Variants in HTR7 observed in about 807,000 individuals in gnomAD.
The protein encoded by HTR7 is 5-HT-7.
HTR7 carries 16 observed loss-of-function variants against 34.0 expected under a neutral mutation model. That is an observed-to-expected ratio of 0.47 (90% CI 0.32 to 0.71). The LOEUF (loss-of-function observed/expected upper bound fraction) is 0.71, where lower values mean the gene tolerates loss of function less well. Ranked by LOEUF, HTR7 falls within the 30% of genes least tolerant of loss-of-function variation. HTR7 has a pLI of 0.04. For synonymous variants in HTR7, 265 were observed against 260.2 expected, an observed-to-expected ratio of 1.02 and a Z score of -0.18; for missense variants, 504 against 625.5, an observed-to-expected ratio of 0.81 and a Z score of 2.07.
Position 90,749,231 on chromosome 10 carries a change from C to G in HTR7, c.903G>C (p.Glu301Asp). ...TGAGGAGTCTCGAAAGGTTTGCACA[C>G]TCTTCCACCTCCTTCTGGAGCTTCA... ...GIVKLQKEVE[E>D]CANLSRLLKH... Residue 301 changes from glutamate to aspartate, a missense_variant, in exon 2 of 4, where the codon GAG (glutamate) becomes GAC (aspartate). Transcript: ENST00000336152. This position sits in a 1 kb window ranked among gnomAD's most constrained non-coding sequence, Gnocchi z 4.2. The G allele has an allele frequency of 6.2e-7, 1 of 1,614,074 alleles. No individual in the cohort carries two copies. Among genetic ancestry groups the G allele is most frequent in the South Asian group, 1.1e-5 (1 of 91,062 alleles).
chr10:90,786,059 T>G (rs139591240), intron 1 of HTR7, among the ~76,000 whole-genome samples: 791 of 152,338 alleles, frequency 5.2e-3, no homozygotes, highest in Middle Eastern at 0.01. Context: ...TCCAAGCATT[T>G]CTTGGGATGG....
chr10:90,800,280 C>T (rs935274613), intron 1 of HTR7, among the ~76,000 whole-genome samples: 11 of 152,152 alleles, frequency 7.2e-5, no homozygotes, highest in African/African-American at 2.7e-4. Context: ...CAATTCTGCT[C>T]ATGGTAATCT....
chr10:90,781,989 G>C (rs78266606), intron 1 of HTR7, among the ~76,000 whole-genome samples: 2,599 of 152,256 alleles, frequency 0.017, 86 homozygotes, highest in African/African-American at 0.058. Flanking sequence ...TCTCTGCCTG[G>C]GTTGGATCAG....
At position 90,857,968 on chromosome 10, in the gene HTR7, C is replaced by T. The variant is rs1300807894; in HGVS notation, c.-297G>A. ...AGCTCGGGCTGGGCTCCGCTGGCAG[C>T]TCCACAGTTCGCAGCAGCAGCTCGG... On this transcript the variant is annotated 5_prime_UTR_variant, in exon 1 of 4. Transcript: ENST00000336152. This position sits in a 1 kb window ranked among gnomAD's most constrained non-coding sequence, Gnocchi z 6.5. Among the ~76,000 whole-genome samples the T allele has an allele frequency of 3.3e-5, 5 of 151,104 alleles. No homozygotes were observed. The highest frequency in any genetic ancestry group is 5.9e-5 in the Non-Finnish European group (4 of 67,674).
chr10:90,845,940 C>T (rs1436055705), intron 1 of HTR7, among the ~76,000 whole-genome samples: 2 of 152,152 alleles, frequency 1.3e-5, no homozygotes, highest in Non-Finnish European at 2.9e-5. Flanking sequence ...GGCTGACCAG[C>T]ACTTCAGACA....
In HTR7 at chr10:90,749,701, T is replaced by G; in HGVS notation, c.540-107A>C. 1 of 988,318 alleles carries G rather than the reference T, an allele frequency of 1.0e-6. No homozygotes were observed. The allele number at this position is 988,318 out of a possible 1,614,324, so 61.2% of individuals were successfully genotyped here. A position where few individuals can be genotyped will look rare whatever the true frequency, so the allele number is the denominator to read the frequency against. On this transcript the variant is annotated intron_variant, in intron 1 of 3. Transcript: ENST00000336152. The surrounding 1 kb of genome is among the most constrained non-coding windows in gnomAD (Gnocchi z 4.2). ...GCGCCAGTCCTCGCAACAGCCCTTC[T>G]AGGTAGGCATCATTACTCCCATTTT...
intron 1 of HTR7, among the ~76,000 whole-genome samples, chr10:90,853,271 G>C (rs183503805): frequency 1.5e-3 from 215 of 139,972 alleles, no homozygotes; most frequent in Admixed American, 5.6e-3. Context: ...AAAGTAATTT[G>C]ATTTCTTTTT....
At chr10:90,759,673 A>C (rs1257967432) in intron 1 of HTR7, among the ~76,000 whole-genome samples, 2 of 151,176 alleles carry the variant, frequency 1.3e-5, no homozygotes, top group African/African-American at 2.4e-5. Flanking sequence ...AAAAAAAAAA[A>C]AAAAAAAAAA....
chr10:90,749,281 T>C lies in HTR7; in HGVS notation c.853A>G (p.Ser285Gly), dbSNP rs527431716. The C allele has an allele frequency of 4.3e-6, 7 of 1,614,154 alleles. No homozygotes were observed. The East Asian group carries it at 6.7e-5, about 15-fold the overall frequency. The change falls in exon 2 of 4, where the codon AGC becomes GGC. Residue 285 changes from serine (S) to glycine (G), a missense_variant. Around this residue, in one of 4 missense-constraint regions of HTR7, gnomAD observed 57 missense variants for 47.5 expected, o/e 1.20. Coordinates refer to ENST00000336152, the MANE Select transcript of HTR7 (RefSeq NM_019859.4). This position sits in a 1 kb window ranked among gnomAD's most constrained non-coding sequence, Gnocchi z 4.2. ...FPGFPRVEPD[S>G]VIALNGIVKL... ...ACTATGCCATTCAGGGCGATGACGC[T>C]GTCTGGCTCCACTCGAGGGAAGCCA... is the stretch of plus-strand genomic sequence containing the variant.
chr10:90,849,934 G>C (rs1480084614), intron 1 of HTR7, among the ~76,000 whole-genome samples: 1 of 152,246 alleles, frequency 6.6e-6, no homozygotes, highest in Non-Finnish European at 1.5e-5. Context: ...GCACAGGGAG[G>C]CAAGCCAATA....
intron 1 of HTR7, among the ~76,000 whole-genome samples, chr10:90,775,328 G>C (rs1845189377): frequency 1.3e-5 from 2 of 152,162 alleles, no homozygotes; most frequent in South Asian, 4.1e-4. Context: ...CAATTACAGG[G>C]ATAGAGGGAG....
At chr10:90,821,569 C>T (rs529117713) in intron 1 of HTR7, among the ~76,000 whole-genome samples, 5 of 152,198 alleles carry the variant, frequency 3.3e-5, no homozygotes, top group Non-Finnish European at 7.4e-5. Flanking sequence ...GTCACAAGGA[C>T]TGCAACTCCA....
In HTR7 at chr10:90,742,491, A is replaced by T. The variant is rs768496494; in HGVS notation, c.1431T>A (p.Ile477=). ...CTCCATTGTTCTGCTTTCAATCATG[A>T]ATCATGACCTTTTTTTCTACAGTAG... ...MLTTVEKKVM[I]HD is the part of the protein sequence containing the mutation. The change falls in exon 4 of 4, where the codon ATT becomes ATA. Residue 477 remains isoleucine (I), a synonymous_variant. Transcript: ENST00000336152. 12 of 1,601,332 alleles carry T rather than the reference A, an allele frequency of 7.5e-6. No individual in the cohort carries two copies. In the South Asian group the frequency reaches 1.3e-4, roughly 18 times the overall value.
chr10:90,809,122 A>G lies in HTR7; in HGVS notation c.539+48011T>C, dbSNP rs926979813. Among the ~76,000 whole-genome samples, 39 of 151,862 alleles carry G rather than the reference A, an allele frequency of 2.6e-4. 1 individual carries two copies. The highest frequency in any genetic ancestry group is 1.5e-5 in the Non-Finnish European group (1 of 67,960). On this transcript the variant is annotated intron_variant, in intron 1 of 3. Coordinates refer to ENST00000336152, the MANE Select transcript of HTR7 (RefSeq NM_019859.4). ...GACCTCTCCCCTCCTCGCCAGGCCG[A>G]GCTAAGTCCCAATTCTTCCTCAGCC...
chr10:90,782,302 C>G (rs530209611), intron 1 of HTR7, among the ~76,000 whole-genome samples: 1 of 152,248 alleles, frequency 6.6e-6, no homozygotes, highest in East Asian at 1.9e-4. Flanking sequence ...CCATTGACCC[C>G]CGCTAAGGCT....
chr10:90,820,606 GA>G (rs1845964238), intron 1 of HTR7, among the ~76,000 whole-genome samples: 1 of 152,162 alleles, frequency 6.6e-6, no homozygotes, highest in Admixed American at 6.5e-5. Flanking sequence ...ACTGTACACA[GA>G]ACAAAACGTC....
At chr10:90,818,905 G>A (rs1165054178) in intron 1 of HTR7, among the ~76,000 whole-genome samples, 1 of 152,082 alleles carries the variant, frequency 6.6e-6, no homozygotes, top group Non-Finnish European at 1.5e-5. Flanking sequence ...TTGTTTAAAG[G>A]TATGCAGCAC....
intron 1 of HTR7, among the ~76,000 whole-genome samples, chr10:90,790,954 T>C (rs1410033051): frequency 6.6e-6 from 1 of 152,158 alleles, no homozygotes; most frequent in African/African-American, 2.4e-5. Context: ...TAAATCAGCC[T>C]CATTGCTCTT....
intron 1 of HTR7, among the ~76,000 whole-genome samples, chr10:90,780,674 C>T (rs1201799527): frequency 5.3e-5 from 8 of 152,018 alleles, no homozygotes; most frequent in Admixed American, 5.2e-4. Context: ...AGAGGCACAA[C>T]ACCACAGGGC....
Sources: allele counts gnomAD v4.1 joint callset (sites outside exome capture counted in the v4.1 genomes callset), GRCh38; gene constraint gnomAD v4.1.1; regional missense constraint gnomAD v4.1.1; non-coding constraint Gnocchi (gnomAD v3.1); transcripts MANE v1.5; gene names NCBI Gene and HGNC (gene_info 2026-07-23, HGNC 2026-07-21).